The following KTN1 variants were observed in gnomAD, a reference collection of about 807,000 sequenced individuals.
KTN1 encodes the protein kinectin.
Under a neutral mutation model 222.5 loss-of-function variants are expected in KTN1, and 130 were observed. The ratio of observed to expected loss-of-function variants is 0.58; its 90% CI spans 0.51 to 0.68. KTN1 has a LOEUF of 0.68. KTN1 is among the 30% of genes least tolerant of loss of function. The pLI, the probability that KTN1 is intolerant of heterozygous loss-of-function variation, is 0.00. For synonymous variants in KTN1, 512 were observed against 496.3 expected, an observed-to-expected ratio of 1.03 and a Z score of -0.42; for missense variants, 1,508 against 1,500.4, an observed-to-expected ratio of 1.01 and a Z score of -0.08.
intron 41 of KTN1, 67 bp downstream of exon 41, chr14:55,675,985 C>G (rs1177328676): frequency 2.2e-5 from 22 of 996,110 alleles, no homozygotes; most frequent in Non-Finnish European, 3.4e-5. Flanking sequence ...CTTAAGCAAA[C>G]TTATGCTGCT....
At chr14:55,581,113 G>T (rs2031449593) in intron 1 of KTN1, among the ~76,000 whole-genome samples, 1 of 152,232 alleles carries the variant, frequency 6.6e-6, no homozygotes, top group South Asian at 2.1e-4. Flanking sequence ...TTGGCCTTGG[G>T]GACCTCGCCG....
chr14:55,640,071 TAATC>T (rs2140994022), intron 14 of KTN1, 68 bp downstream of exon 14: 5 of 920,496 alleles, frequency 5.4e-6, no homozygotes, highest in East Asian at 2.4e-5. Context: ...TTGATGCACA[TAATC>T]AGTAAGTGTA....
chr14:55,635,946 C>G (rs10142768), intron 9 of KTN1, among the ~76,000 whole-genome samples: 6,057 of 151,970 alleles, frequency 0.04, 292 homozygotes, highest in African/African-American at 0.12. Flanking sequence ...GGGTTTACTA[C>G]TGGCATAGAT....
At position 55,626,406 on chromosome 14, in the gene KTN1, C is replaced by T. The variant is rs551431018; in HGVS notation, c.964-1506C>T. Among the ~76,000 whole-genome samples, 31 of 152,152 alleles carry T rather than the reference C, an allele frequency of 2.0e-4. No homozygotes were observed. In the South Asian group the frequency reaches 2.9e-3, roughly 14 times the overall value. ...TTAGTTTTGCCAGCTCACGTTTCATCTCGTTTTGTGTTATCTTTTCTCTGA... is the reference window on the plus strand; with the variant it reads ...TTAGTTTTGCCAGCTCACGTTTCATTTCGTTTTGTGTTATCTTTTCTCTGA... On this transcript the variant is annotated intron_variant, in intron 5 of 43. Coordinates refer to ENST00000395314, the MANE Select transcript of KTN1 (RefSeq NM_001079521.2).
chr14:55,671,764 C>T (rs748269670), intron 36 of KTN1, 21 bp from the exon 37 acceptor site: 22 of 1,580,966 alleles, frequency 1.4e-5, no homozygotes, highest in Non-Finnish European at 1.4e-5. Context: ...TTTTTCAAAA[C>T]AACTATGCTT....
intron 1 of KTN1, among the ~76,000 whole-genome samples, chr14:55,610,459 A>T (rs1320124341): frequency 6.6e-6 from 1 of 152,232 alleles, no homozygotes; most frequent in Non-Finnish European, 1.5e-5. Flanking sequence ...ATCCAATTTA[A>T]AATCAGGTAT....
At chr14:55,652,430 G>T (rs979835841) in intron 25 of KTN1, among the ~76,000 whole-genome samples, 1 of 121,148 alleles carries the variant, frequency 8.3e-6, no homozygotes, top group East Asian at 2.4e-4. Flanking sequence ...ATGGAATCTC[G>T]CTCTGTCGCC....
Position 55,681,040 on chromosome 14 carries a change from A to G in KTN1, c.4069+1355A>G, listed in dbSNP as rs148617999. 1.9e-3 allele frequency: 421 copies of G among 221,332 alleles called. 4 individuals are homozygous for G. Among genetic ancestry groups the G allele is most frequent in the African/African-American group, 9.2e-3 (405 of 43,920 alleles). 13.7% of individuals were successfully genotyped at this position (221,332 alleles called of 1,614,324 possible). A position where few individuals can be genotyped will look rare whatever the true frequency, so the allele number is the denominator to read the frequency against. On this transcript the variant is annotated intron_variant, in intron 43 of 43. Transcript: ENST00000395314. The stretch of plus-strand genomic sequence containing the variant: ...CTTATTTTAACCTTGTACTTCCTTC[A>G]GGTTACCACCCTTATTTTTTTACTT...
At chr14:55,652,762 C>G (rs763239496) in intron 25 of KTN1, 88 bp from the exon 26 acceptor site, 46 of 839,858 alleles carry the variant, frequency 5.5e-5, no homozygotes, top group Non-Finnish European at 7.8e-5. Context: ...GAGTACTACC[C>G]AAAATATACT....
At chr14:55,654,179 A>G (rs992939212) in intron 28 of KTN1, among the ~76,000 whole-genome samples, 8 of 152,172 alleles carry the variant, frequency 5.3e-5, no homozygotes, top group Admixed American at 2.6e-4. Flanking sequence ...GCAGGTTACA[A>G]TGGTGGGAAA....
At chr14:55,661,713 T>C (rs2044162514) in intron 32 of KTN1, 101 bp downstream of exon 32, 1 of 595,472 alleles carries the variant, frequency 1.7e-6, no homozygotes, top group Non-Finnish European at 2.9e-6. Context: ...TTTAGATTTC[T>C]TAATCTTTGT....
intron 18 of KTN1, among the ~76,000 whole-genome samples, chr14:55,642,446 T>A (rs1402829644): frequency 6.6e-6 from 1 of 152,184 alleles, no homozygotes; most frequent in Non-Finnish European, 1.5e-5. Context: ...GTGGTATCTG[T>A]TCTCTGCCTA....
At chr14:55,658,665 A>G (rs1392094870) in intron 30 of KTN1, 51 bp downstream of exon 30, 5 of 1,058,148 alleles carry the variant, frequency 4.7e-6, no homozygotes, top group East Asian at 2.4e-5. Context: ...AAAAAATTAT[A>G]TAACCAGTGA....
intron 31 of KTN1, chr14:55,661,110 A>G (rs2044094274): frequency 6.5e-6 from 1 of 152,816 alleles, no homozygotes; most frequent in Non-Finnish European, 1.5e-5. Context: ...TGGGTTAGCC[A>G]TTTAAAGTTA....
At chr14:55,673,034 C>G (rs2045582930) in intron 39 of KTN1, 22 bp downstream of exon 39, 5 of 1,581,976 alleles carry the variant, frequency 3.2e-6, no homozygotes, top group Non-Finnish European at 4.3e-6. Flanking sequence ...AGAATCTTTT[C>G]AAACTTGCTT....
intron 18 of KTN1, among the ~76,000 whole-genome samples, chr14:55,642,988 T>C (rs2041952810): frequency 6.6e-6 from 1 of 151,942 alleles, no homozygotes; most frequent in African/African-American, 2.4e-5. Context: ...TGGCTCACTG[T>C]ATCCTCCACC....
rs761527619 is a variant in KTN1, at chr14:55,675,955, G to A, written c.3855+37G>A. ...TCGTCCTAGAGATGTAGTATCATGA[G>A]CCTGTGTTGTGTGTTCAATCTTAAG... On this transcript the variant is annotated intron_variant, in intron 41 of 43. Transcript: ENST00000395314. The A allele has an allele frequency of 7.7e-6, 11 of 1,422,790 alleles. No homozygotes were observed. The South Asian group carries it at 1.1e-4, about 14-fold the overall frequency. 88.1% of individuals were successfully genotyped at this position (1,422,790 alleles called of 1,614,324 possible).
At chr14:55,645,222 A>G (rs896821700) in intron 18 of KTN1, among the ~76,000 whole-genome samples, 1 of 152,210 alleles carries the variant, frequency 6.6e-6, no homozygotes, top group African/African-American at 2.4e-5. Context: ...CTGAGGGAAT[A>G]CAATGTTCAA....
intron 1 of KTN1, among the ~76,000 whole-genome samples, chr14:55,609,451 G>A (rs779322646): frequency 1.3e-5 from 2 of 152,196 alleles, no homozygotes; most frequent in Non-Finnish European, 2.9e-5. Context: ...ATTGAATTGT[G>A]TGAAGAGAGA....
Sources: gnomAD v4.1 joint callset for allele counts (sites outside exome capture counted in the v4.1 genomes callset) on GRCh38, gnomAD v4.1.1 for gene constraint, MANE v1.5 for transcripts, NCBI Gene and HGNC (gene_info 2026-07-23, HGNC 2026-07-21) for gene names.